Variants in ZNF697 observed in about 807,000 individuals in gnomAD.
ZNF697 encodes zinc finger protein 697.
In ZNF697, 23 loss-of-function variants were observed where a neutral mutation model predicts 32.4. The observed-to-expected ratio is 0.71, with a 90% CI of 0.51 to 1.01. ZNF697 has a LOEUF of 1.01. Ranked by LOEUF, ZNF697 falls within the 50% of genes least tolerant of loss-of-function variation. ZNF697 has a pLI of 0.00. For missense variants in ZNF697, 930 were observed against 794.0 expected (o/e 1.17, Z -2.06); for synonymous variants, 418 against 337.2 (o/e 1.24, Z -2.62).
In ZNF697 at chr1:119,623,836, G is replaced by C; in HGVS notation, c.507C>G (p.Pro169=). Residue 169 remains proline, a synonymous_variant, in exon 3 of 3, where the codon CCC becomes CCG. Coordinates refer to ENST00000421812, the MANE Select transcript of ZNF697 (RefSeq NM_001080470.2). ...CCAGCTCCCCGAGGTCCACGGCCAT[G>C]GGGTGGTGGAGCCGGTGGAAGCGGC... ...AHRRFHRLHH[P]MAVDLGELDS... is the part of the protein sequence containing the mutation. 1.3e-6 allele frequency: 2 copies of C among 1,546,150 alleles called. No homozygotes were observed. The highest frequency in any genetic ancestry group is 2.4e-5 in the South Asian group (2 of 83,118).
chr1:119,629,806 C>T (rs401068), intron 1 of ZNF697, among the ~76,000 whole-genome samples: 2 of 152,314 alleles, frequency 1.3e-5, no homozygotes, highest in South Asian at 4.2e-4. Flanking sequence ...ACAGCTTCCC[C>T]TAGCCTTGCT....
At position 119,622,879 on chromosome 1, in the gene ZNF697, C is replaced by T. The variant is rs745907170; in HGVS notation, c.1464G>A (p.Thr488=). Reference sequence around the variant, plus strand: ...CGATGCACGTGTAGGGCTTCTCGCCCGTGTGCGTGCGCTGGTGCTGCGTGA... The same window carrying T: ...CGATGCACGTGTAGGGCTTCTCGCCTGTGTGCGTGCGCTGGTGCTGCGTGA... The part of the protein sequence containing the change: ...STLTQHQRTH[T]GEKPYTCIEC... The change falls in exon 3 of 3, where the codon ACG becomes ACA. Residue 488 remains threonine (T), a synonymous_variant. Coordinates refer to ENST00000421812, the MANE Select transcript of ZNF697 (RefSeq NM_001080470.2). 37 of 1,609,862 alleles carry T rather than the reference C, an allele frequency of 2.3e-5. No individual in the cohort carries two copies. Among genetic ancestry groups the T allele is most frequent in the Non-Finnish European group, 3.1e-5 (36 of 1,178,146 alleles).
intron 1 of ZNF697, among the ~76,000 whole-genome samples, chr1:119,636,619 G>C (rs1462423738): frequency 6.6e-6 from 1 of 152,154 alleles, no homozygotes; most frequent in African/African-American, 2.4e-5. Context: ...ACCTGCCTGA[G>C]ATCACCACTT....
At chr1:119,626,277 A>C in intron 1 of ZNF697, 140 bp from the exon 2 acceptor site, 2 of 1,190,880 alleles carry the variant, frequency 1.7e-6, no homozygotes, top group Non-Finnish European at 2.3e-6. Context: ...TCCACATTTT[A>C]AAGTAAACAA....
intron 2 of ZNF697, among the ~76,000 whole-genome samples, 160 bp downstream of exon 2, chr1:119,625,715 C>T (rs1312738633): frequency 1.3e-5 from 2 of 152,244 alleles, no homozygotes; most frequent in Admixed American, 6.5e-5. Context: ...GGATGGTCTT[C>T]AGGCTAACAC....
intron 2 of ZNF697, among the ~76,000 whole-genome samples, chr1:119,625,364 TAAGGC>T (rs1367533742): frequency 6.6e-6 from 1 of 151,886 alleles, no homozygotes; most frequent in African/African-American, 2.4e-5. Context: ...TCAGTAAGAG[TAAGGC>T]ATTTAGCAGA....
chr1:119,635,158 A>AT (rs925778443), intron 1 of ZNF697, among the ~76,000 whole-genome samples: 6 of 152,050 alleles, frequency 3.9e-5, no homozygotes, highest in Non-Finnish European at 8.8e-5. Flanking sequence ...GGATAATTAT[A>AT]TTTTTTTCTG....
chr1:119,624,084 C>A lies in ZNF697; in HGVS notation c.259G>T (p.Val87Phe). Residue 87 changes from valine (V) to phenylalanine (F), a missense_variant, in exon 3 of 3, where the codon GTC (valine) becomes TTC (phenylalanine). Transcript: ENST00000421812. Reference sequence around the variant, plus strand: ...GATTGGTCATCCTCTTCCCCACGGACAGAAACGCCTTCTTCCTCACTCAGC... The same window carrying A: ...GATTGGTCATCCTCTTCCCCACGGAAAGAAACGCCTTCTTCCTCACTCAGC... ...GQLSEEEGVSVRGEEDDQSGV... is the reference protein window; with the variant it reads ...GQLSEEEGVSFRGEEDDQSGV... 6.3e-7 allele frequency: 1 copy of A among 1,593,394 alleles called. No individual in the cohort carries two copies.
intron 1 of ZNF697, among the ~76,000 whole-genome samples, chr1:119,642,004 C>T (rs1432660340): frequency 1.3e-5 from 2 of 152,118 alleles, no homozygotes; most frequent in Non-Finnish European, 2.9e-5. Context: ...TGCCACTACT[C>T]GCTCATTAGA....
At position 119,622,605 on chromosome 1, in the gene ZNF697, T is replaced by A. The variant is rs746498026; in HGVS notation, c.*100A>T. On this transcript the variant is annotated 3_prime_UTR_variant, in exon 3 of 3. Coordinates refer to ENST00000421812, the MANE Select transcript of ZNF697 (RefSeq NM_001080470.2). The stretch of plus-strand genomic sequence containing the variant: ...AAAGGCTCCCCAGTCACTCTCAGAT[T>A]GTCCCTCCCGCCCCTTCCCCACTTC... 5 of 1,430,122 alleles carry A rather than the reference T, an allele frequency of 3.5e-6. No homozygotes were observed. The South Asian group carries it at 6.0e-5, about 17-fold the overall frequency. 88.6% of individuals were successfully genotyped at this position (1,430,122 alleles called of 1,614,324 possible). A position where few individuals can be genotyped will look rare whatever the true frequency, so the allele number is the denominator to read the frequency against.
Position 119,622,937 on chromosome 1 carries a change from T to C in ZNF697, c.1406A>G (p.Gln469Arg), listed in dbSNP as rs587602146. ...GAAGTCGCTGAAGCGCTTCTCGCAC[T>C]GGCCACAGCGGAAGGGCTTCTCGCC... ...HTGEKPFRCG[Q>R]CEKRFSDFST... is the part of the protein sequence containing the mutation. The change falls in exon 3 of 3, where the codon CAG (glutamine) becomes CGG (arginine). Residue 469 changes from glutamine (Q) to arginine (R), a missense_variant. Gln to Arg is a conservative substitution (Grantham distance 43). Transcript: ENST00000421812. The C allele has an allele frequency of 4.4e-6, 7 of 1,606,636 alleles. No individual in the cohort carries two copies. Among genetic ancestry groups the C allele is most frequent in the South Asian group, 3.3e-5 (3 of 90,138 alleles).
At chr1:119,642,281 T>G (rs1055577270) in intron 1 of ZNF697, among the ~76,000 whole-genome samples, 1 of 152,202 alleles carries the variant, frequency 6.6e-6, no homozygotes, top group Non-Finnish European at 1.5e-5. Flanking sequence ...TGCACTATAC[T>G]ATAATGGTAG....
chr1:119,623,929 A>G lies in ZNF697; in HGVS notation c.414T>C (p.Pro138=). The G allele has an allele frequency of 6.3e-7, 1 of 1,586,920 alleles. No homozygotes were observed. The highest frequency in any genetic ancestry group is 8.6e-7 in the Non-Finnish European group (1 of 1,166,780). The change falls in exon 3 of 3, where the codon CCT becomes CCC. Residue 138 remains proline (P), a synonymous_variant. Transcript: ENST00000421812. ...RLEEEEEQPA[P]PVLPWRRHLS... is the part of the protein sequence containing the mutation. Reference sequence around the variant, plus strand: ...GATGTCGCCTCCAGGGAAGTACGGGAGGGGCCGGCTGCTCCTCTTCCTCCT... The same window carrying G: ...GATGTCGCCTCCAGGGAAGTACGGGGGGGGCCGGCTGCTCCTCTTCCTCCT...
intron 1 of ZNF697, among the ~76,000 whole-genome samples, chr1:119,636,872 G>A (rs1648937146): frequency 6.6e-6 from 1 of 152,152 alleles, no homozygotes; most frequent in Non-Finnish European, 1.5e-5. Context: ...TCACTTCCTA[G>A]CCACTCACAT....
In ZNF697 at chr1:119,623,389, C is replaced by T. The variant is rs1451895307; in HGVS notation, c.954G>A (p.Pro318=). 1.4e-5 allele frequency: 21 copies of T among 1,497,604 alleles called. No individual in the cohort carries two copies. The highest frequency in any genetic ancestry group is 5.8e-5 in the East Asian group (2 of 34,550). 92.8% of individuals were successfully genotyped at this position (1,497,604 alleles called of 1,614,324 possible). Residue 318 remains proline, a synonymous_variant, in exon 3 of 3, where the codon CCG becomes CCA. Coordinates refer to ENST00000421812, the MANE Select transcript of ZNF697 (RefSeq NM_001080470.2). ...TGAAGGCCTCGCCGCACTCGGGGCA[C>T]GGGTAGGGCTTCTCGCCCGTGTGCA... ...RRLHTGEKPY[P]CPECGEAFSL... is the part of the protein sequence containing the mutation.
At chr1:119,626,322 G>T (rs776845243) in intron 1 of ZNF697, among the ~76,000 whole-genome samples, 185 bp from the exon 2 acceptor site, 1 of 152,212 alleles carries the variant, frequency 6.6e-6, no homozygotes, top group Admixed American at 6.5e-5. Context: ...GGTGGCAGAA[G>T]AACAGTGACA....
intron 1 of ZNF697, among the ~76,000 whole-genome samples, chr1:119,639,112 C>T (rs941546704): frequency 2.0e-5 from 3 of 152,196 alleles, no homozygotes; most frequent in Non-Finnish European, 4.4e-5. Context: ...TACAAATCAG[C>T]TCCTCCTGGC....
chr1:119,636,437 G>A (rs1238871165), intron 1 of ZNF697, among the ~76,000 whole-genome samples: 1 of 152,172 alleles, frequency 6.6e-6, no homozygotes, highest in East Asian at 1.9e-4. Context: ...ATACAGAGTG[G>A]TTTTGGGTAA....
At position 119,623,499 on chromosome 1, in the gene ZNF697, G is replaced by C; in HGVS notation, c.844C>G (p.Leu282Val). The C allele has an allele frequency of 1.9e-6, 3 of 1,568,526 alleles. No individual in the cohort carries two copies. The highest frequency in any genetic ancestry group is 2.6e-6 in the Non-Finnish European group (3 of 1,159,174). Residue 282 changes from leucine to valine, a missense_variant, in exon 3 of 3, where the codon CTG becomes GTG. Coordinates refer to ENST00000421812, the MANE Select transcript of ZNF697 (RefSeq NM_001080470.2). ...RNTYLTNHLR[L>V]HTGERPNLCA... ...AGGTTGGGCCGCTCGCCCGTGTGCA[G>C]GCGCAGGTGGTTGGTCAGGTAGGTG...
Sources: gnomAD v4.1 joint callset for allele counts (sites outside exome capture counted in the v4.1 genomes callset) on GRCh38, gnomAD v4.1.1 for gene constraint, MANE v1.5 for transcripts, NCBI Gene and HGNC (gene_info 2026-07-23, HGNC 2026-07-21) for gene names.